The following CCDC13 variants were observed in gnomAD, a reference collection of about 807,000 sequenced individuals.
CCDC13 encodes coiled-coil domain containing 13.
Under a neutral mutation model 87.3 loss-of-function variants are expected in CCDC13, and 70 were observed. That is an observed-to-expected ratio of 0.80 (90% CI 0.66 to 0.98). The LOEUF (loss-of-function observed/expected upper bound fraction) is 0.98. Ranked by LOEUF, CCDC13 falls within the 50% of genes least tolerant of loss-of-function variation. The pLI is 0.00. For missense variants in CCDC13, 842 were observed against 892.0 expected (o/e 0.94, Z 0.71); for synonymous variants, 317 against 360.3 (o/e 0.88, Z 1.36).
intron 13 of CCDC13, among the ~76,000 whole-genome samples, chr3:42,729,184 T>C (rs1698761127): frequency 6.6e-6 from 1 of 152,188 alleles, no homozygotes; most frequent in African/African-American, 2.4e-5. Flanking sequence ...AGTCACCTTT[T>C]TCACACACCC....
intron 1 of CCDC13, among the ~76,000 whole-genome samples, chr3:42,770,000 C>A (rs1467076065): frequency 6.6e-6 from 1 of 152,386 alleles, no homozygotes; most frequent in East Asian, 1.9e-4. Context: ...AGCGCCACCC[C>A]CTGCTCCGCA....
In CCDC13 at chr3:42,707,618, T is replaced by C. The variant is rs906339131; in HGVS notation, c.*1362A>G. Among the ~76,000 whole-genome samples, 20 of 152,218 alleles carry C rather than the reference T, an allele frequency of 1.3e-4. No homozygotes were observed. The highest frequency in any genetic ancestry group is 4.6e-4 in the African/African-American group (19 of 41,468). On this transcript the variant is annotated 3_prime_UTR_variant, in exon 16 of 16. Coordinates refer to ENST00000310232, the MANE Select transcript of CCDC13 (RefSeq NM_144719.4). The stretch of plus-strand genomic sequence containing the variant: ...TGGGGAAGGGGGTGTTTTCACAGTA[T>C]GTGCACCTGCATTTGTGCATCACTG...
At chr3:42,760,234 T>A (rs1699799863) in intron 1 of CCDC13, among the ~76,000 whole-genome samples, 1 of 151,792 alleles carries the variant, frequency 6.6e-6, no homozygotes, top group Non-Finnish European at 1.5e-5. Flanking sequence ...GAGGTTGCAG[T>A]GAGCTGAGAT....
At chr3:42,705,502 A>C (rs949476481), downstream of CCDC13, among the ~76,000 whole-genome samples, 1 of 152,182 alleles carries the variant, frequency 6.6e-6, no homozygotes, top group Non-Finnish European at 1.5e-5. Context: ...CAAGACCTGC[A>C]GCACCTGCCT....
Position 42,747,240 on chromosome 3 carries a change from C to T in CCDC13, c.720+17G>A. On this transcript the variant is annotated intron_variant, in intron 6 of 15. Coordinates refer to ENST00000310232, the MANE Select transcript of CCDC13 (RefSeq NM_144719.4). ...CCCCAGCCACACAAGAAGCCCCAAG[C>T]CCTGGCTCTGAAAGACCTTCTGTGC... 5.0e-6 allele frequency: 8 copies of T among 1,596,526 alleles called. No individual in the cohort carries two copies. Among genetic ancestry groups the T allele is most frequent in the Non-Finnish European group, 6.9e-6 (8 of 1,164,162 alleles).
intron 6 of CCDC13, 37 bp downstream of exon 6, chr3:42,747,220 G>T: frequency 1.3e-6 from 2 of 1,511,746 alleles, no homozygotes; most frequent in Non-Finnish European, 9.2e-7. Flanking sequence ...TCCAGCCCCA[G>T]CCACACAAGA....
At position 42,719,382 on chromosome 3, in the gene CCDC13, C is replaced by CCTCTTTCT. The variant is rs1386418167; in HGVS notation, c.1719-6067_1719-6066insAGAAAGAG. ...CCCACTCTGCCTCAGGCAGTGCTTTCCTCTCTCTCTCTCTCTCTCTCTCTC... is the reference window on the plus strand; with the variant it reads ...CCCACTCTGCCTCAGGCAGTGCTTTCCTCTTTCTCTCTCTCTCTCTCTCTCTCTCTCTC... On this transcript the variant is annotated intron_variant, in intron 13 of 15. Coordinates refer to ENST00000310232, the MANE Select transcript of CCDC13 (RefSeq NM_144719.4). The CCTCTTTCT allele has an allele frequency of 2.9e-4, 15 of 52,410 alleles. 1 individual carries two copies. The highest frequency in any genetic ancestry group is 0.011 in the Middle Eastern group (1 of 90). 3.2% of individuals were successfully genotyped at this position (52,410 alleles called of 1,614,324 possible). A position where few individuals can be genotyped will look rare whatever the true frequency, so the allele number is the denominator to read the frequency against.
chr3:42,709,136 C>T lies in CCDC13; in HGVS notation c.1992G>A (p.Leu664=). Residue 664 remains leucine (L), a synonymous_variant, in exon 16 of 16, where the codon CTG becomes CTA. Transcript: ENST00000310232. ...ESQMEELTTR[L]AIQVEENEML... ...TTTCATTCTCCTCCACCTGGATGGC[C>T]AGCCTGGACCACAGGAGACAGTGCT... is the stretch of plus-strand genomic sequence containing the variant. 6.2e-7 allele frequency: 1 copy of T among 1,609,710 alleles called. No homozygotes were observed. The highest frequency in any genetic ancestry group is 8.5e-7 in the Non-Finnish European group (1 of 1,177,700).
At chr3:42,735,173 C>T (rs892742897) in intron 10 of CCDC13, among the ~76,000 whole-genome samples, 21 of 152,196 alleles carry the variant, frequency 1.4e-4, no homozygotes, top group African/African-American at 4.8e-4. Flanking sequence ...CCGGCCAGAC[C>T]GAGGCCGTGG....
chr3:42,732,631 G>A (rs536964687), intron 12 of CCDC13: 2 of 506,410 alleles, frequency 3.9e-6, no homozygotes, highest in South Asian at 2.8e-5. Flanking sequence ...GCCCAGGAAG[G>A]TTCCTCAGGT....
chr3:42,709,221 T>C, intron 15 of CCDC13, 82 bp from the exon 16 acceptor site: 3 of 1,428,460 alleles, frequency 2.1e-6, no homozygotes, highest in African/African-American at 1.4e-5. Flanking sequence ...GGGAATGTGG[T>C]TGCCAGCATG....
intron 13 of CCDC13, among the ~76,000 whole-genome samples, chr3:42,726,382 A>G (rs1698689460): frequency 6.6e-6 from 1 of 152,200 alleles, no homozygotes; most frequent in Admixed American, 6.5e-5. Context: ...TTATCAAAAT[A>G]GGTTTCATGG....
At chr3:42,729,803 C>T (rs1253046248) in intron 13 of CCDC13, among the ~76,000 whole-genome samples, 1 of 152,206 alleles carries the variant, frequency 6.6e-6, no homozygotes, top group Non-Finnish European at 1.5e-5. Context: ...ATCAAAGAGC[C>T]TTGACTGATA....
intron 5 of CCDC13, among the ~76,000 whole-genome samples, chr3:42,748,800 G>A (rs1416331995): frequency 6.6e-6 from 1 of 152,172 alleles, no homozygotes; most frequent in African/African-American, 2.4e-5. Context: ...GTGCCAACTC[G>A]GAACTTATAT....
chr3:42,751,547 TG>T (rs1452709893), intron 5 of CCDC13, among the ~76,000 whole-genome samples: 2 of 152,212 alleles, frequency 1.3e-5, no homozygotes, highest in Non-Finnish European at 2.9e-5. Context: ...AGGTGGAGTC[TG>T]GATGTGTCCC....
intron 15 of CCDC13, 116 bp from the exon 16 acceptor site, chr3:42,709,255 C>T: frequency 9.4e-7 from 1 of 1,067,476 alleles, no homozygotes; most frequent in Non-Finnish European, 1.3e-6. Context: ...CTCAGGCTTC[C>T]CTCTGACCCA....
chr3:42,760,821 T>C (rs546457751), intron 1 of CCDC13, among the ~76,000 whole-genome samples: 25 of 152,050 alleles, frequency 1.6e-4, no homozygotes, highest in Non-Finnish European at 3.4e-4. Context: ...TAAAATGGTA[T>C]CTCAATGTGT....
At chr3:42,733,038 G>T in intron 11 of CCDC13, 68 bp from the exon 12 acceptor site, 1 of 1,320,690 alleles carries the variant, frequency 7.6e-7, no homozygotes, top group Non-Finnish European at 1.1e-6. Context: ...CCTCACCTCT[G>T]CATGTGAGGT....
chr3:42,709,977 C>T (rs1179753771), intron 14 of CCDC13, among the ~76,000 whole-genome samples, 179 bp from the exon 15 acceptor site: 1 of 152,222 alleles, frequency 6.6e-6, no homozygotes, highest in Non-Finnish European at 1.5e-5. Flanking sequence ...GATGCCTCCT[C>T]TGCATGCCTC....
Sources: allele counts gnomAD v4.1 joint callset (sites outside exome capture counted in the v4.1 genomes callset), GRCh38; gene constraint gnomAD v4.1.1; transcripts MANE v1.5; gene names NCBI Gene and HGNC (gene_info 2026-07-23, HGNC 2026-07-21).